The following LRRC69 variants were observed in gnomAD, a reference collection of about 807,000 sequenced individuals.
The protein encoded by LRRC69 is leucine-rich repeat-containing protein 69.
Under a neutral mutation model 37.8 loss-of-function variants are expected in LRRC69, and 42 were observed. The ratio of observed to expected loss-of-function variants is 1.11; its 90% CI spans 0.87 to 1.44. The LOEUF is 1.44. Ranked by LOEUF, LRRC69 falls within the 40% of genes most tolerant of loss-of-function variation. The probability of loss-of-function intolerance (pLI) is 0.00; values close to 1 mark genes in which losing one functional copy is unlikely to be tolerated. For missense variants in LRRC69, 357 were observed against 401.9 expected, an observed-to-expected ratio of 0.89 and a Z score of 0.96; for synonymous variants, 141 against 143.1, an observed-to-expected ratio of 0.99 and a Z score of 0.11.
At chr8:91,116,699 C>G (rs535509179) in intron 1 of LRRC69, among the ~76,000 whole-genome samples, 1 of 152,042 alleles carries the variant, frequency 6.6e-6, no homozygotes, top group Admixed American at 6.6e-5. Flanking sequence ...TAAATCATAG[C>G]CTGGACTTCA....
chr8:91,210,562 GACACACACACACACACACAC>G (rs35968986), intron 7 of LRRC69, among the ~76,000 whole-genome samples: 3,530 of 146,196 alleles, frequency 0.024, 149 homozygotes, highest in African/African-American at 0.082. Flanking sequence ...CACACACACA[GACACACACACACACACACAC>G]ACACACACAC....
intron 5 of LRRC69, among the ~76,000 whole-genome samples, chr8:91,179,155 A>G (rs973075430): frequency 2.6e-5 from 4 of 152,232 alleles, no homozygotes; most frequent in Non-Finnish European, 4.4e-5. Context: ...ATTGCTATAA[A>G]TAAATACCTG....
intron 1 of LRRC69, among the ~76,000 whole-genome samples, chr8:91,111,100 T>C (rs1222886804): frequency 1.3e-5 from 2 of 152,096 alleles, no homozygotes; most frequent in Non-Finnish European, 1.5e-5. Context: ...ACACAGACCC[T>C]GTCATTGGAA....
At chr8:91,111,775 T>C (rs1310562267) in intron 1 of LRRC69, among the ~76,000 whole-genome samples, 3 of 151,744 alleles carry the variant, frequency 2.0e-5, no homozygotes, top group Non-Finnish European at 2.9e-5. Context: ...AAATACCTAA[T>C]GGCTACTAGG....
At chr8:91,171,923 G>A (rs1171705817) in intron 5 of LRRC69, among the ~76,000 whole-genome samples, 1 of 149,466 alleles carries the variant, frequency 6.7e-6, no homozygotes, top group Non-Finnish European at 1.5e-5. Context: ...GTGAGTGTGA[G>A]GGCATGTATC....
chr8:91,178,983 T>C (rs1287932468), intron 5 of LRRC69, among the ~76,000 whole-genome samples: 1 of 152,234 alleles, frequency 6.6e-6, no homozygotes, highest in African/African-American at 2.4e-5. Flanking sequence ...CCATGTAAAC[T>C]TGGCAGAGTT....
At chr8:91,180,618 T>C (rs540911890) in intron 5 of LRRC69, among the ~76,000 whole-genome samples, 2 of 152,214 alleles carry the variant, frequency 1.3e-5, no homozygotes, top group South Asian at 2.1e-4. Flanking sequence ...GTTACCACAG[T>C]ACACTAACAG....
In LRRC69 at chr8:91,124,611, G is replaced by A. The variant is rs150566034; in HGVS notation, c.302G>A (p.Gly101Glu). ...AATAGGATCTGTAGATTTGCACCTG[G>A]AGCCTGTGGTAATTTAATCAACAAG... The change falls in exon 2 of 8, where the codon GGA becomes GAA. Residue 101 changes from glycine to glutamate, a missense_variant. Gly to Glu is a moderately conservative substitution (Grantham distance 98). Coordinates refer to ENST00000448384, the Ensembl canonical transcript of LRRC69. The A allele has an allele frequency of 2.0e-4, 306 of 1,533,882 alleles. 2 individuals are homozygous for A. In the East Asian group the frequency reaches 7.0e-3, roughly 35 times the overall value.
chr8:91,150,548 T>C (rs1332801888), intron 5 of LRRC69, among the ~76,000 whole-genome samples: 1 of 151,998 alleles, frequency 6.6e-6, no homozygotes, highest in Non-Finnish European at 1.5e-5. Flanking sequence ...AAAATTCTCT[T>C]TTTTTGTTGT....
chr8:91,139,864 G>T (rs1363092435), intron 5 of LRRC69, among the ~76,000 whole-genome samples: 1 of 151,296 alleles, frequency 6.6e-6, no homozygotes, highest in Non-Finnish European at 1.5e-5. Flanking sequence ...CGAAGTGGGC[G>T]GATCACCTCA....
At chr8:91,194,822 G>T (rs1395770551) in intron 6 of LRRC69, among the ~76,000 whole-genome samples, 41 of 151,980 alleles carry the variant, frequency 2.7e-4, no homozygotes, top group Admixed American at 7.9e-4. Context: ...TTTTTGAAGG[G>T]TTTTTTGTGT....
chr8:91,217,380 A>G (rs997137427), intron 7 of LRRC69, among the ~76,000 whole-genome samples: 1 of 152,090 alleles, frequency 6.6e-6, no homozygotes, highest in Non-Finnish European at 1.5e-5. Flanking sequence ...TCCTTTATTT[A>G]TTATCTCTGC....
chr8:91,154,703 A>G (rs1409711121), intron 5 of LRRC69, among the ~76,000 whole-genome samples: 1 of 151,894 alleles, frequency 6.6e-6, no homozygotes, highest in Non-Finnish European at 1.5e-5. Flanking sequence ...TCAATAAACT[A>G]GGTATTAATG....
chr8:91,133,825 G>T (rs1182823566), intron 4 of LRRC69, among the ~76,000 whole-genome samples: 2 of 151,720 alleles, frequency 1.3e-5, no homozygotes, highest in African/African-American at 4.8e-5. Flanking sequence ...GTAGAGACGG[G>T]GCTTCACCAT....
At chr8:91,155,549 C>T (rs1808818589) in intron 5 of LRRC69, among the ~76,000 whole-genome samples, 2 of 150,694 alleles carry the variant, frequency 1.3e-5, no homozygotes, top group Middle Eastern at 3.2e-3. Flanking sequence ...ACTATAGTCA[C>T]CCTACAGTGC....
At chr8:91,188,743 C>G (rs1809442799) in intron 5 of LRRC69, among the ~76,000 whole-genome samples, 1 of 151,778 alleles carries the variant, frequency 6.6e-6, no homozygotes, top group South Asian at 2.1e-4. Flanking sequence ...TTAATCTTTT[C>G]TTTTTCTACT....
At chr8:91,147,368 T>G (rs1287166202) in intron 5 of LRRC69, among the ~76,000 whole-genome samples, 1 of 150,496 alleles carries the variant, frequency 6.6e-6, no homozygotes, top group Non-Finnish European at 1.5e-5. Context: ...TTTTATATCC[T>G]TATATTTTAG....
intron 1 of LRRC69, among the ~76,000 whole-genome samples, chr8:91,104,350 A>T (rs1813271017): frequency 6.6e-6 from 1 of 151,998 alleles, no homozygotes; most frequent in African/African-American, 2.4e-5. Flanking sequence ...CTATTCAGTT[A>T]TAACCATAAT....
At chr8:91,114,740 C>A (rs1287556499) in intron 1 of LRRC69, among the ~76,000 whole-genome samples, 1 of 151,944 alleles carries the variant, frequency 6.6e-6, no homozygotes, top group Non-Finnish European at 1.5e-5. Flanking sequence ...TAGGCTTATA[C>A]CATCTAGGTT....
Sources: gnomAD v4.1 joint callset for allele counts (sites outside exome capture counted in the v4.1 genomes callset) on GRCh38, gnomAD v4.1.1 for gene constraint, MANE v1.5 for transcripts, NCBI Gene and HGNC (gene_info 2026-07-23, HGNC 2026-07-21) for gene names.